IQSEC1: variants seen among roughly 807,000 people sequenced by gnomAD.
IQSEC1 encodes IQ motif and Sec7 domain ArfGEF 1.
Under a neutral mutation model 91.0 loss-of-function variants are expected in IQSEC1, and 31 were observed. The ratio of observed to expected loss-of-function variants is 0.34; its 90% CI spans 0.26 to 0.46. The LOEUF (loss-of-function observed/expected upper bound fraction) is 0.46, where lower values mean the gene tolerates loss of function less well. Ranked by LOEUF, IQSEC1 falls within the 20% of genes least tolerant of loss-of-function variation. The probability of loss-of-function intolerance (pLI) is 1.00; values close to 1 mark genes in which losing one functional copy is unlikely to be tolerated. For synonymous variants in IQSEC1, 699 were observed against 662.6 expected (o/e 1.05, Z -0.84); for missense variants, 1,388 against 1,575.6 (o/e 0.88, Z 2.02).
intron 2 of IQSEC1, among the ~76,000 whole-genome samples, chr3:13,113,802 A>C (rs1706290930): frequency 6.6e-6 from 1 of 152,228 alleles, no homozygotes; most frequent in African/African-American, 2.4e-5. Context: ...TGGTGGCTAC[A>C]ACACGGAACT....
Position 13,207,432 on chromosome 3 carries a change from A to G in IQSEC1, c.273-43299T>C, listed in dbSNP as rs1576295285. The stretch of plus-strand genomic sequence containing the variant: ...TCCCTGGGACGGCTTCCCTCTGGCC[A>G]CCCCCAGACCCCCTGCTGCCATTCT... On this transcript the variant is annotated intron_variant, in intron 1 of 15. Transcript: ENST00000648114. This position sits in a 1 kb window ranked among gnomAD's most constrained non-coding sequence, Gnocchi z 4.8. Among the ~76,000 whole-genome samples, 1 of 140,312 alleles carries G rather than the reference A, an allele frequency of 7.1e-6. No homozygotes were observed. 92.1% of individuals were successfully genotyped at this position (140,312 alleles called of 152,430 possible).
At chr3:12,971,081 T>A (rs1700868310) in intron 1 of IQSEC1, among the ~76,000 whole-genome samples, 1 of 152,218 alleles carries the variant, frequency 6.6e-6, no homozygotes, top group Admixed American at 6.5e-5. Flanking sequence ...CATGCTATGA[T>A]GATGAAGTTA....
At chr3:13,223,732 C>G (rs559780026) in intron 1 of IQSEC1, among the ~76,000 whole-genome samples, 1 of 152,316 alleles carries the variant, frequency 6.6e-6, no homozygotes, top group Non-Finnish European at 1.5e-5. Context: ...AAGGCATTAG[C>G]AGGAAGAGGA....
chr3:13,191,936 G>A (rs1449639614), intron 1 of IQSEC1, among the ~76,000 whole-genome samples: 2 of 152,076 alleles, frequency 1.3e-5, no homozygotes, highest in Admixed American at 6.5e-5. Context: ...ATTGTGCCCT[G>A]TATCCTCTTA....
rs184800091 is a variant in IQSEC1, at chr3:13,117,913, G to A, written c.302+46191C>T. 4.7e-4 allele frequency among the ~76,000 whole-genome samples: 72 copies of A among 152,044 alleles called. 1 individual carries two copies. The East Asian group carries it at 6.9e-3, about 15-fold the overall frequency. ...AACTAACAAACAACACATAAGTATCGGTGAGGTATTTGCAAATCACATATC... is the reference window on the plus strand; with the variant it reads ...AACTAACAAACAACACATAAGTATCAGTGAGGTATTTGCAAATCACATATC... On this transcript the variant is annotated intron_variant, in intron 2 of 15. Transcript: ENST00000648114.
chr3:13,080,715 G>T (rs146160841), intron 2 of IQSEC1, among the ~76,000 whole-genome samples: 18 of 152,262 alleles, frequency 1.2e-4, no homozygotes, highest in African/African-American at 4.3e-4. Flanking sequence ...GGGCAAGTGC[G>T]CTCCCTCCCT....
intron 2 of IQSEC1, among the ~76,000 whole-genome samples, chr3:13,123,925 G>A (rs1275433690): frequency 1.6e-4 from 24 of 152,216 alleles, no homozygotes; most frequent in Admixed American, 1.6e-3. Context: ...TCTAGCCTGC[G>A]GCTTGCTTTT....
rs1204861924 is a variant in IQSEC1, at chr3:12,924,309, G to T, written c.1730+272C>A. Among the ~76,000 whole-genome samples, 1 of 152,198 alleles carries T rather than the reference G, an allele frequency of 6.6e-6. No homozygotes were observed. The highest frequency in any genetic ancestry group is 1.5e-5 in the Non-Finnish European group (1 of 68,026). ...ACCGTGCTTAGGGATGGAGGGAAGG[G>T]AGGGGCCAAGGGTGCATGCCAGAGG... is the stretch of plus-strand genomic sequence containing the variant. On this transcript the variant is annotated intron_variant, in intron 4 of 13. Transcript: ENST00000613206. This position sits in a 1 kb window ranked among gnomAD's most constrained non-coding sequence, Gnocchi z 6.3.
intron 2 of IQSEC1, among the ~76,000 whole-genome samples, chr3:13,123,676 C>T (rs1706461742): frequency 6.6e-6 from 1 of 152,250 alleles, no homozygotes; most frequent in Non-Finnish European, 1.5e-5. Context: ...CTTGATTGAG[C>T]CTTCTTATGG....
intron 2 of IQSEC1, among the ~76,000 whole-genome samples, chr3:13,089,964 C>G (rs1576244920): frequency 1.3e-5 from 2 of 152,278 alleles, no homozygotes; most frequent in South Asian, 2.1e-4. Flanking sequence ...GCCTGTAATC[C>G]CAGCACTTTG....
Position 12,915,707 on chromosome 3 carries a change from G to T in IQSEC1, c.2047C>A (p.Arg683Ser). 1 of 1,614,122 alleles carries T rather than the reference G, an allele frequency of 6.2e-7. No homozygotes were observed. The highest frequency in any genetic ancestry group is 8.5e-7 in the Non-Finnish European group (1 of 1,180,006). Residue 683 changes from arginine (R) to serine (S), a missense_variant, in exon 7 of 14, where the codon CGT becomes AGT. Transcript: ENST00000613206. ...TCATAGATCCCCATCAGCATCTCAC[G>T]GGGAATGTCCTCACCATCGTCCACA... ...RGVDDGEDIPREMLMGIYERI... is the reference protein window; with the variant it reads ...RGVDDGEDIPSEMLMGIYERI...
rs971896521 is a variant in IQSEC1 at position 12,921,978 on chromosome 3, G to A, written c.1853+142C>T. ...CCTGGAACGTAGGAGGAGCCAGTACGATCACCCCCAAAGCAACATTCAGGG... is the reference window on the plus strand; with the variant it reads ...CCTGGAACGTAGGAGGAGCCAGTACAATCACCCCCAAAGCAACATTCAGGG... On this transcript the variant is annotated intron_variant, in intron 5 of 13. Transcript: ENST00000613206. 1.3e-5 allele frequency: 13 copies of A among 1,019,712 alleles called. No individual in the cohort carries two copies. The African/African-American group carries it at 1.7e-4, about 13-fold the overall frequency. 63.2% of individuals were successfully genotyped at this position (1,019,712 alleles called of 1,614,324 possible). A position where few individuals can be genotyped will look rare whatever the true frequency, so the allele number is the denominator to read the frequency against.
chr3:12,963,081 T>G (rs1320831425), intron 1 of IQSEC1, among the ~76,000 whole-genome samples: 1 of 152,262 alleles, frequency 6.6e-6, no homozygotes, highest in Non-Finnish European at 1.5e-5. Context: ...ACTCTAGCAC[T>G]CTAGCAACTT....
chr3:12,910,233 C>G (rs1056509926), intron 10 of IQSEC1, among the ~76,000 whole-genome samples: 1 of 152,236 alleles, frequency 6.6e-6, no homozygotes, highest in Non-Finnish European at 1.5e-5. Context: ...GCCTGCCTCC[C>G]AGGCTGTCAG....
At chr3:13,101,209 C>T (rs1360838266) in intron 2 of IQSEC1, among the ~76,000 whole-genome samples, 6 of 152,072 alleles carry the variant, frequency 3.9e-5, no homozygotes, top group Non-Finnish European at 8.8e-5. Flanking sequence ...AGGCTGGGCG[C>T]GGTGGCTCAC....
chr3:13,100,899 G>T lies in IQSEC1; in HGVS notation c.303-53377C>A, dbSNP rs534339524. Among the ~76,000 whole-genome samples, 3 of 148,888 alleles carry T rather than the reference G, an allele frequency of 2.0e-5. No homozygotes were observed. The East Asian group carries it at 5.8e-4, about 29-fold the overall frequency. On this transcript the variant is annotated intron_variant, in intron 2 of 15. Coordinates refer to the IQSEC1 transcript ENST00000648114. ...AAGGCCACTCAGCCAGTGCTGTGAA[G>T]ATGAAGAGGGGCGGCCAGGGAGGGC...
At chr3:13,142,505 C>T (rs1226905678) in intron 2 of IQSEC1, among the ~76,000 whole-genome samples, 1 of 152,194 alleles carries the variant, frequency 6.6e-6, no homozygotes, top group Non-Finnish European at 1.5e-5. Context: ...TCTCTCTGAC[C>T]CACCTCTGGC....
chr3:13,012,210 A>G (rs1702914564), intron 1 of IQSEC1, among the ~76,000 whole-genome samples: 1 of 152,214 alleles, frequency 6.6e-6, no homozygotes, highest in African/African-American at 2.4e-5. Context: ...CTCTGAGTTC[A>G]GCCAGGACTT....
At chr3:13,056,903 C>A (rs1157080410) in intron 1 of IQSEC1, among the ~76,000 whole-genome samples, 2 of 152,168 alleles carry the variant, frequency 1.3e-5, no homozygotes, top group Non-Finnish European at 2.9e-5. Context: ...AGGTCTCCCT[C>A]CTAAATGTTC....
Sources: allele counts gnomAD v4.1 joint callset (sites outside exome capture counted in the v4.1 genomes callset), GRCh38; gene constraint gnomAD v4.1.1; non-coding constraint Gnocchi (gnomAD v3.1); transcripts MANE v1.5; gene names NCBI Gene and HGNC (gene_info 2026-07-23, HGNC 2026-07-21).